The following PSD3 variants were observed in gnomAD, a reference collection of about 807,000 sequenced individuals.
The protein encoded by PSD3 is PH and SEC7 domain-containing protein 3.
Under a neutral mutation model 105.5 loss-of-function variants are expected in PSD3, and 49 were observed. The observed-to-expected ratio is 0.46, with a 90% confidence interval of 0.37 to 0.59. PSD3 has a LOEUF of 0.59. Among genes scored for constraint, PSD3 ranks in the 20% least tolerant of loss-of-function variants. The pLI is 0.00. For missense variants in PSD3, 1,561 were observed against 1,263.8 expected (o/e 1.24, Z -3.57); for synonymous variants, 557 against 457.8 (o/e 1.22, Z -2.77).
intron 8 of PSD3, among the ~76,000 whole-genome samples, chr8:18,778,923 T>C (rs541388219): frequency 1.3e-3 from 200 of 152,226 alleles, no homozygotes; most frequent in African/African-American, 4.7e-3. Flanking sequence ...TGTTTTCTTA[T>C]TGTATCCTTA....
At chr8:19,008,798 C>A (rs1270536035) in intron 1 of PSD3, among the ~76,000 whole-genome samples, 1 of 152,188 alleles carries the variant, frequency 6.6e-6, no homozygotes, top group Non-Finnish European at 1.5e-5. Flanking sequence ...GCCAGGGAAA[C>A]AGGGAGCAGC....
At chr8:18,571,988 T>A (rs1219292572) in intron 14 of PSD3, among the ~76,000 whole-genome samples, 1 of 152,196 alleles carries the variant, frequency 6.6e-6, no homozygotes, top group Non-Finnish European at 1.5e-5. Context: ...GAAGGAGGCT[T>A]ATGTAAATAC....
At chr8:18,744,691 T>C (rs1804838761) in intron 9 of PSD3, among the ~76,000 whole-genome samples, 1 of 152,230 alleles carries the variant, frequency 6.6e-6, no homozygotes, top group African/African-American at 2.4e-5. Flanking sequence ...GTTAACATCT[T>C]ACGTAACCAT....
chr8:18,641,072 T>C (rs1807607530), intron 10 of PSD3, among the ~76,000 whole-genome samples: 1 of 152,222 alleles, frequency 6.6e-6, no homozygotes. Flanking sequence ...CAGCAGAGGC[T>C]TGACTTCATT....
intron 9 of PSD3, among the ~76,000 whole-genome samples, chr8:18,742,682 ATTACATCACCATT>A (rs992145969): frequency 2.0e-5 from 3 of 152,196 alleles, no homozygotes; most frequent in Admixed American, 6.5e-5. Context: ...AGTCCTGGAG[ATTACATCACCATT>A]TTGGTGCCCA....
chr8:18,621,108 G>C (rs1404947392), intron 11 of PSD3, among the ~76,000 whole-genome samples: 1 of 151,992 alleles, frequency 6.6e-6, no homozygotes, highest in Non-Finnish European at 1.5e-5. Flanking sequence ...ATTGTTCCTA[G>C]TCAAGAGTAT....
chr8:18,895,077 C>T (rs1819054889), intron 2 of PSD3, among the ~76,000 whole-genome samples: 1 of 152,166 alleles, frequency 6.6e-6, no homozygotes, highest in African/African-American at 2.4e-5. Context: ...AACAGGAATC[C>T]TGCACTGAGG....
chr8:18,596,198 G>C (rs894615192), intron 12 of PSD3, among the ~76,000 whole-genome samples: 21 of 151,814 alleles, frequency 1.4e-4, no homozygotes, highest in African/African-American at 5.1e-4. Flanking sequence ...ACAATAATTT[G>C]AGACCAACAA....
intron 11 of PSD3, among the ~76,000 whole-genome samples, chr8:18,608,947 C>T (rs1002627603): frequency 1.2e-4 from 19 of 152,108 alleles, no homozygotes; most frequent in African/African-American, 4.3e-4. Flanking sequence ...AAAATCTTGT[C>T]CTGTTTTTTG....
chr8:18,819,665 G>A lies in PSD3; in HGVS notation c.1635-14767C>T, dbSNP rs190115455. Among the ~76,000 whole-genome samples, 166 of 132,684 alleles carry A rather than the reference G, an allele frequency of 1.3e-3. 1 individual carries two copies. In the Middle Eastern group the frequency reaches 0.033, roughly 27 times the overall value. The allele number at this position is 132,684 out of a possible 152,430, so 87.0% of individuals were successfully genotyped here. A position where few individuals can be genotyped will look rare whatever the true frequency, so the allele number is the denominator to read the frequency against. Reference sequence around the variant, plus strand: ...GCAATCTTGGCTCACTGCAACCTCCGCCTCCAGGGTTCATGTGATTCGCCC... The same window carrying A: ...GCAATCTTGGCTCACTGCAACCTCCACCTCCAGGGTTCATGTGATTCGCCC... On this transcript the variant is annotated intron_variant, in intron 4 of 15. Transcript: ENST00000327040.
chr8:18,948,296 T>G (rs1412049077), intron 1 of PSD3, among the ~76,000 whole-genome samples: 1 of 152,202 alleles, frequency 6.6e-6, no homozygotes, highest in Non-Finnish European at 1.5e-5. Context: ...GAACACATCT[T>G]ACTGGCTACA....
chr8:18,690,293 C>T (rs767700065), intron 9 of PSD3, among the ~76,000 whole-genome samples: 1 of 152,182 alleles, frequency 6.6e-6, no homozygotes, highest in Non-Finnish European at 1.5e-5. Context: ...CTTTCGTTCT[C>T]TGAGTGCTAT....
intron 4 of PSD3, among the ~76,000 whole-genome samples, chr8:18,863,478 T>C (rs574265876): frequency 5.3e-5 from 8 of 152,274 alleles, no homozygotes; most frequent in African/African-American, 1.7e-4. Context: ...CATTGATATA[T>C]TGTGTTCCAT....
intron 6 of PSD3, among the ~76,000 whole-genome samples, chr8:18,803,795 G>A (rs2632843): frequency 0.87 from 132,434 of 151,720 alleles, 57,910 homozygotes; most frequent in Middle Eastern, 0.91. Context: ...GAAAAAAAAA[G>A]TCATTGTTTA....
chr8:19,069,254 A>G (rs1472065661), intron 1 of PSD3, among the ~76,000 whole-genome samples: 1 of 152,206 alleles, frequency 6.6e-6, no homozygotes, highest in Admixed American at 6.5e-5. Flanking sequence ...TAATATAACA[A>G]TAAATCTTAT....
chr8:18,751,357 A>G (rs1805476638), intron 9 of PSD3, among the ~76,000 whole-genome samples: 1 of 152,194 alleles, frequency 6.6e-6, no homozygotes, highest in South Asian at 2.1e-4. Flanking sequence ...TTTTTGCCAC[A>G]TAATATTTTG....
At chr8:19,017,016 G>A (rs1292691720), upstream of PSD3, among the ~76,000 whole-genome samples, 1 of 150,906 alleles carries the variant, frequency 6.6e-6, no homozygotes, top group Non-Finnish European at 1.5e-5. Flanking sequence ...TCAAGCCATA[G>A]CAATACTTTT....
At chr8:18,892,889 T>C (rs1305592204) in intron 2 of PSD3, among the ~76,000 whole-genome samples, 1 of 152,138 alleles carries the variant, frequency 6.6e-6, no homozygotes, top group Non-Finnish European at 1.5e-5. Flanking sequence ...CCTCCCACAG[T>C]GCTGGGATTA....
chr8:18,612,919 G>A lies in PSD3; in HGVS notation c.2411-12485C>T, dbSNP rs572127078. ...TCGCTCAGATCTAACTTAAAAACAAGTATCTTTCCCCACTTGGCCAGGAGA... is the reference window on the plus strand; with the variant it reads ...TCGCTCAGATCTAACTTAAAAACAAATATCTTTCCCCACTTGGCCAGGAGA... On this transcript the variant is annotated intron_variant, in intron 11 of 15. Transcript: ENST00000327040. Among the ~76,000 whole-genome samples the A allele has an allele frequency of 2.6e-5, 4 of 152,122 alleles. No individual in the cohort carries two copies. The East Asian group carries it at 5.8e-4, about 22-fold the overall frequency.
Sources: gnomAD v4.1 joint callset for allele counts (sites outside exome capture counted in the v4.1 genomes callset) on GRCh38, gnomAD v4.1.1 for gene constraint, MANE v1.5 for transcripts, NCBI Gene and HGNC (gene_info 2026-07-23, HGNC 2026-07-21) for gene names.